The following STAG1 variants were observed in gnomAD, a reference collection of about 807,000 sequenced individuals.
The protein encoded by STAG1 is STAG1 cohesin complex component, also known as cohesin subunit SA-1.
In STAG1, 26 loss-of-function variants were observed where a neutral mutation model predicts 170.9. The observed-to-expected ratio is 0.15, with a 90% CI of 0.11 to 0.21. STAG1 has a LOEUF of 0.21. Ranked by LOEUF, STAG1 falls within the 10% of genes least tolerant of loss-of-function variation. The pLI is 1.00. For synonymous variants in STAG1, 514 were observed against 497.7 expected, an observed-to-expected ratio of 1.03 and a Z score of -0.44; for missense variants, 964 against 1,509.5, an observed-to-expected ratio of 0.64 and a Z score of 5.99.
In STAG1 at chr3:136,421,096, T is replaced by A; in HGVS notation, c.2105A>T (p.His702Leu). The part of the protein sequence containing the change: ...LSTLKRLTSF[H>L]NAHDLTKWDL... The stretch of plus-strand genomic sequence containing the variant: ...TACTTTAAATAAAATAACGTACTTG[T>A]GAAAAGAAGTTAACCGCTTTAATGT... Residue 702 changes from histidine to leucine, a missense_variant, in exon 20 of 34, where the codon CAC becomes CTC. Coordinates refer to ENST00000383202, the MANE Select transcript of STAG1 (RefSeq NM_005862.3). The A allele has an allele frequency of 6.3e-7, 1 of 1,595,816 alleles. No individual in the cohort carries two copies. Among genetic ancestry groups the A allele is most frequent in the Non-Finnish European group, 8.6e-7 (1 of 1,168,372 alleles).
At chr3:136,569,235 C>G (rs1320118587) in intron 4 of STAG1, among the ~76,000 whole-genome samples, 1 of 151,732 alleles carries the variant, frequency 6.6e-6, no homozygotes, top group Non-Finnish European at 1.5e-5. Flanking sequence ...CATAATCCAC[C>G]AGTAGTGCAT....
intron 16 of STAG1, among the ~76,000 whole-genome samples, chr3:136,426,529 CACT>C (rs1348078122): frequency 6.6e-6 from 1 of 152,178 alleles, no homozygotes; most frequent in Non-Finnish European, 1.5e-5. Flanking sequence ...ATTTAACATT[CACT>C]ACTATTAAAT....
intron 21 of STAG1, among the ~76,000 whole-genome samples, chr3:136,411,945 G>T (rs116493551): frequency 6.6e-6 from 1 of 151,326 alleles, no homozygotes; most frequent in Non-Finnish European, 1.5e-5. Flanking sequence ...GGACCACCAC[G>T]CCCGGCTAAT....
chr3:136,469,822 A>G (rs1410259720), intron 12 of STAG1, among the ~76,000 whole-genome samples: 1 of 152,210 alleles, frequency 6.6e-6, no homozygotes, highest in Non-Finnish European at 1.5e-5. Flanking sequence ...GCCCTCACAA[A>G]TAATATCACA....
intron 1 of STAG1, among the ~76,000 whole-genome samples, chr3:136,698,785 T>C (rs1014127414): frequency 2.0e-5 from 3 of 152,082 alleles, no homozygotes; most frequent in Non-Finnish European, 4.4e-5. Context: ...CAATTCACAA[T>C]TGCAAAGATA....
intron 1 of STAG1, among the ~76,000 whole-genome samples, chr3:136,751,983 C>T (rs1935280403): frequency 6.6e-6 from 1 of 150,826 alleles, no homozygotes; most frequent in Non-Finnish European, 1.5e-5. Context: ...TCTCCGGGCA[C>T]TCGGACGGCC....
chr3:136,437,913 G>A (rs1299549121), intron 15 of STAG1, among the ~76,000 whole-genome samples: 1 of 152,088 alleles, frequency 6.6e-6, no homozygotes, highest in Non-Finnish European at 1.5e-5. Flanking sequence ...CCACTGCAAT[G>A]ATTATGTATT....
chr3:136,429,163 T>C (rs1354956597), intron 16 of STAG1, among the ~76,000 whole-genome samples: 1 of 138,962 alleles, frequency 7.2e-6, no homozygotes, highest in African/African-American at 2.7e-5. Context: ...TCCCAGCACT[T>C]TGGGAGGCCG....
intron 9 of STAG1, among the ~76,000 whole-genome samples, chr3:136,487,340 T>TG (rs1365387556): frequency 6.6e-6 from 1 of 152,224 alleles, no homozygotes; most frequent in Non-Finnish European, 1.5e-5. Context: ...TGGTATTCCA[T>TG]GGAGTGTATG....
intron 4 of STAG1, among the ~76,000 whole-genome samples, chr3:136,571,227 G>C (rs1265382455): frequency 6.6e-6 from 1 of 150,392 alleles, no homozygotes; most frequent in Non-Finnish European, 1.5e-5. Flanking sequence ...TACATATGAA[G>C]AGCTCAAAAC....
intron 1 of STAG1, among the ~76,000 whole-genome samples, chr3:136,743,962 G>T (rs904339149): frequency 6.6e-6 from 1 of 152,164 alleles, no homozygotes; most frequent in Non-Finnish European, 1.5e-5. Context: ...AAGACATACG[G>T]TTTATTTCTG....
At chr3:136,370,709 C>T (rs1576398336) in intron 23 of STAG1, among the ~76,000 whole-genome samples, 1 of 152,196 alleles carries the variant, frequency 6.6e-6, no homozygotes, top group Admixed American at 6.5e-5. Context: ...TTTATGGCTG[C>T]ATAGTATTCC....
At chr3:136,453,458 G>A (rs962033444) in intron 13 of STAG1, among the ~76,000 whole-genome samples, 4 of 151,984 alleles carry the variant, frequency 2.6e-5, no homozygotes, top group Admixed American at 2.6e-4. Flanking sequence ...GGGCGTGGTG[G>A]CGGGCGCCTG....
chr3:136,742,522 A>C lies in STAG1; in HGVS notation c.-84+9673T>G, dbSNP rs563252606. Among the ~76,000 whole-genome samples the C allele has an allele frequency of 1.8e-4, 28 of 152,112 alleles. No individual in the cohort carries two copies. The South Asian group carries it at 5.8e-3, about 32-fold the overall frequency. On this transcript the variant is annotated intron_variant, in intron 1 of 33. Coordinates refer to ENST00000383202, the MANE Select transcript of STAG1 (RefSeq NM_005862.3). ...GAAGTCAGGAGTTCAAGACTAGCCT[A>C]GCTAACATGGCAAAACCCCGTCTCC...
intron 8 of STAG1, among the ~76,000 whole-genome samples, chr3:136,500,818 T>A (rs939164995): frequency 2.0e-5 from 3 of 152,136 alleles, no homozygotes; most frequent in African/African-American, 7.2e-5. Context: ...CTACTTATGG[T>A]GAAGTACAGT....
At chr3:136,623,356 C>T in intron 2 of STAG1, 108 bp from the exon 3 acceptor site, 1 of 892,112 alleles carries the variant, frequency 1.1e-6, no homozygotes, top group Non-Finnish European at 1.7e-6. Flanking sequence ...GTGGTTTATA[C>T]TTCTACTTTC....
At chr3:136,682,315 C>T (rs1413618918) in intron 1 of STAG1, among the ~76,000 whole-genome samples, 1 of 151,752 alleles carries the variant, frequency 6.6e-6, no homozygotes, top group African/African-American at 2.4e-5. Context: ...ATCCCAGCTA[C>T]TCCGAAGGCT....
At chr3:136,620,013 C>G (rs995736187) in intron 3 of STAG1, among the ~76,000 whole-genome samples, 1 of 151,930 alleles carries the variant, frequency 6.6e-6, no homozygotes, top group Non-Finnish European at 1.5e-5. Flanking sequence ...ATGCAGTAAG[C>G]CACAGTTGCG....
At chr3:136,403,257 A>C (rs1185113915) in intron 21 of STAG1, among the ~76,000 whole-genome samples, 2 of 147,720 alleles carry the variant, frequency 1.4e-5, no homozygotes, top group East Asian at 3.9e-4. Flanking sequence ...AAAAAAAGAA[A>C]AGAAAAGAAA....
Sources: allele counts gnomAD v4.1 joint callset (sites outside exome capture counted in the v4.1 genomes callset), GRCh38; gene constraint gnomAD v4.1.1; transcripts MANE v1.5; gene names NCBI Gene and HGNC (gene_info 2026-07-23, HGNC 2026-07-21).